Variants in FHAD1 observed in about 807,000 individuals in gnomAD.
The protein encoded by FHAD1 is forkhead associated phosphopeptide binding domain 1.
A neutral mutation model predicts 191.3 loss-of-function variants in FHAD1; 146 were observed. The ratio of observed to expected loss-of-function variants is 0.76; its 90% CI spans 0.67 to 0.88. FHAD1 has a LOEUF of 0.88. Among genes scored for constraint, FHAD1 ranks in the 40% least tolerant of loss-of-function variants. The pLI is 0.00. For synonymous variants in FHAD1, 616 were observed against 672.3 expected, an observed-to-expected ratio of 0.92 and a Z score of 1.29; for missense variants, 1,635 against 1,785.8, an observed-to-expected ratio of 0.92 and a Z score of 1.52.
At chr1:15,319,479 G>C (rs944602857) in intron 10 of FHAD1, among the ~76,000 whole-genome samples, 3 of 152,136 alleles carry the variant, frequency 2.0e-5, no homozygotes, top group African/African-American at 7.2e-5. Context: ...AAATATTCTT[G>C]TCCAGGTGCA....
At chr1:15,250,626 A>G (rs1386253467) in intron 1 of FHAD1, among the ~76,000 whole-genome samples, 22 of 152,210 alleles carry the variant, frequency 1.4e-4, no homozygotes, top group Admixed American at 1.4e-3. Flanking sequence ...GAAGAAATAC[A>G]GCGATTTAAA....
At position 15,311,810 on chromosome 1, in the gene FHAD1, A is replaced by G. The variant is rs1672357224; in HGVS notation, c.1040-1247A>G. On this transcript the variant is annotated intron_variant, in intron 7 of 33. Transcript: ENST00000688493. This position sits in a 1 kb window ranked among gnomAD's most constrained non-coding sequence, Gnocchi z 4.1. Reference sequence around the variant, plus strand: ...ATCTGCTGTCACATAAGTTATCCCAAAAAAGCAACAAATATGTTTATCTTA... The same window carrying G: ...ATCTGCTGTCACATAAGTTATCCCAGAAAAGCAACAAATATGTTTATCTTA... Among the ~76,000 whole-genome samples the G allele has an allele frequency of 2.0e-5, 3 of 152,226 alleles. No individual in the cohort carries two copies. Among genetic ancestry groups the G allele is most frequent in the Admixed American group, 6.5e-5 (1 of 15,290 alleles).
intron 6 of FHAD1, among the ~76,000 whole-genome samples, chr1:15,304,635 A>T (rs546961882): frequency 6.6e-6 from 1 of 152,302 alleles, no homozygotes; most frequent in Non-Finnish European, 1.5e-5. Context: ...TCCCCACAGA[A>T]AACAGGAAGA....
intron 3 of FHAD1, among the ~76,000 whole-genome samples, chr1:15,275,283 C>T (rs1007811509): frequency 3.3e-5 from 5 of 152,246 alleles, no homozygotes; most frequent in African/African-American, 1.2e-4. Context: ...CTTTTACAGT[C>T]ACTTGGCTGT....
intron 23 of FHAD1, among the ~76,000 whole-genome samples, chr1:15,365,481 ATTTT>A (rs71587751): frequency 8.9e-6 from 1 of 112,784 alleles, no homozygotes. Context: ...TGCCTGGCTA[ATTTT>A]TTTTTTTTTT....
intron 28 of FHAD1, among the ~76,000 whole-genome samples, chr1:15,376,219 A>G (rs1699613108): frequency 6.6e-6 from 1 of 151,890 alleles, no homozygotes; most frequent in South Asian, 2.1e-4. Context: ...CCTCCTGAGC[A>G]GCTGGGACTA....
intron 1 of FHAD1, among the ~76,000 whole-genome samples, chr1:15,238,076 G>C (rs1407985290): frequency 2.0e-5 from 3 of 151,784 alleles, no homozygotes. Flanking sequence ...GTAAAACCCT[G>C]TCTCTACTAA....
chr1:15,379,333 T>C (rs1235030566), intron 28 of FHAD1, among the ~76,000 whole-genome samples: 2 of 152,232 alleles, frequency 1.3e-5, no homozygotes, highest in Non-Finnish European at 2.9e-5. Flanking sequence ...TGCTTTTAGA[T>C]ATGCATACAC....
chr1:15,390,673 A>G (rs917552392), intron 32 of FHAD1, among the ~76,000 whole-genome samples: 4 of 152,132 alleles, frequency 2.6e-5, no homozygotes, highest in African/African-American at 9.7e-5. Flanking sequence ...GAGGTGCCAC[A>G]TCTTGGGGAC....
rs1207400912 is a variant in FHAD1, at chr1:15,352,912, A to G, written c.2490A>G (p.Lys830=). Reference sequence around the variant, plus strand: ...GCAACATTGCGTACGAGAAACGCAAAGCAAAGGAGGCCATGGAGAAGGAAA... The same window carrying G: ...GCAACATTGCGTACGAGAAACGCAAGGCAAAGGAGGCCATGGAGAAGGAAA... ...SESNIAYEKR[K]AKEAMEKEKK... is the part of the protein sequence containing the mutation. Residue 830 remains lysine (K), a synonymous_variant, in exon 20 of 34, where the codon AAA becomes AAG. Coordinates refer to ENST00000688493, the MANE Select transcript of FHAD1 (RefSeq NM_001391957.1). The G allele has an allele frequency of 3.2e-6, 5 of 1,551,430 alleles. No homozygotes were observed. The highest frequency in any genetic ancestry group is 4.4e-6 in the Non-Finnish European group (5 of 1,146,978).
At chr1:15,304,583 T>A (rs551180286) in intron 6 of FHAD1, among the ~76,000 whole-genome samples, 41 of 151,954 alleles carry the variant, frequency 2.7e-4, no homozygotes, top group Middle Eastern at 3.4e-3. Flanking sequence ...GTAACTTTTT[T>A]AAAAAAAAAT....
At chr1:15,345,238 G>A (rs1188693475) in intron 17 of FHAD1, 48 bp downstream of exon 17, 1 of 1,490,194 alleles carries the variant, frequency 6.7e-7, no homozygotes, top group Non-Finnish European at 9.2e-7. Flanking sequence ...ACTGCAGCTA[G>A]GAAGGGTGGA....
chr1:15,338,879 G>T (rs1685362967), intron 14 of FHAD1, among the ~76,000 whole-genome samples: 1 of 152,048 alleles, frequency 6.6e-6, no homozygotes, highest in Non-Finnish European at 1.5e-5. Flanking sequence ...GGAGGTCTTG[G>T]CTTTAGACCA....
intron 14 of FHAD1, among the ~76,000 whole-genome samples, chr1:15,335,861 G>A (rs575238281): frequency 6.0e-4 from 91 of 152,168 alleles, no homozygotes; most frequent in African/African-American, 2.1e-3. Flanking sequence ...AGCATCCTCA[G>A]CTACCTCTCC....
At position 15,360,676 on chromosome 1, in the gene FHAD1, A is replaced by G. The variant is rs561356178; in HGVS notation, c.2935A>G (p.Ile979Val). 5.8e-6 allele frequency: 9 copies of G among 1,551,768 alleles called. No individual in the cohort carries two copies. The African/African-American group carries it at 1.1e-4, about 19-fold the overall frequency. ...GCACCATAAAAAAATAGAAGGCGAG[A>G]TTGCAACATTGAAGGACAATGACCC... is the stretch of plus-strand genomic sequence containing the variant. ...TQHHKKIEGE[I>V]ATLKDNDPAP... Residue 979 changes from isoleucine (I) to valine (V), a missense_variant, in exon 22 of 34, where the codon ATT (isoleucine) becomes GTT (valine). Ile to Val is a conservative substitution (Grantham distance 29). Transcript: ENST00000688493.
chr1:15,279,406 G>T (rs10927763), intron 3 of FHAD1, among the ~76,000 whole-genome samples: 75,731 of 151,742 alleles, frequency 0.5, 20,765 homozygotes, highest in East Asian at 0.69. Flanking sequence ...GCTAGATCCA[G>T]GTGCTCAAGG....
chr1:15,386,270 G>A (rs746193508), intron 31 of FHAD1, among the ~76,000 whole-genome samples: 4 of 152,218 alleles, frequency 2.6e-5, no homozygotes, highest in Non-Finnish European at 5.9e-5. Flanking sequence ...CTCGGGGGCG[G>A]GGGCAGTGCC....
intron 3 of FHAD1, among the ~76,000 whole-genome samples, chr1:15,287,476 A>G (rs911312608): frequency 6.6e-6 from 1 of 152,200 alleles, no homozygotes; most frequent in Non-Finnish European, 1.5e-5. Context: ...GGCGGCAGCA[A>G]GGAGAAGTGC....
At chr1:15,323,964 G>T (rs1346173793) in intron 10 of FHAD1, among the ~76,000 whole-genome samples, 1 of 152,196 alleles carries the variant, frequency 6.6e-6, no homozygotes, top group Non-Finnish European at 1.5e-5. Flanking sequence ...ATGGGCGGCA[G>T]TTCCTTATGG....
Sources: allele counts gnomAD v4.1 joint callset (sites outside exome capture counted in the v4.1 genomes callset), GRCh38; gene constraint gnomAD v4.1.1; non-coding constraint Gnocchi (gnomAD v3.1); transcripts MANE v1.5; gene names NCBI Gene and HGNC (gene_info 2026-07-23, HGNC 2026-07-21).